MEGF8: variants seen among roughly 807,000 people sequenced by gnomAD.
MEGF8 encodes multiple EGF like domains 8.
In MEGF8, 156 loss-of-function variants were observed where a neutral mutation model predicts 302.9. The ratio of observed to expected loss-of-function variants is 0.52; its 90% CI spans 0.45 to 0.59. The LOEUF is 0.59. Ranked by LOEUF, MEGF8 falls within the 20% of genes least tolerant of loss-of-function variation. The probability of loss-of-function intolerance (pLI) is 0.00; values close to 1 mark genes in which losing one functional copy is unlikely to be tolerated. For missense variants in MEGF8, 3,345 were observed against 3,964.5 expected (o/e 0.84, Z 4.20); for synonymous variants, 1,621 against 1,660.5 (o/e 0.98, Z 0.58).
intron 1 of MEGF8, among the ~76,000 whole-genome samples, chr19:42,330,311 G>GGGGTTCT (rs1255100150): frequency 6.6e-6 from 1 of 152,186 alleles, no homozygotes; most frequent in Non-Finnish European, 1.5e-5. Context: ...TGTCTGGAGT[G>GGGGTTCT]GTATGGGGGT....
chr19:42,343,904 C>T, intron 9 of MEGF8, 50 bp from the exon 10 acceptor site: 1 of 1,590,176 alleles, frequency 6.3e-7, no homozygotes, highest in Non-Finnish European at 8.6e-7. Flanking sequence ...TCTGAGAGGC[C>T]TCCTCCTCCG....
intron 35 of MEGF8, among the ~76,000 whole-genome samples, chr19:42,366,605 G>A (rs1229079367): frequency 1.3e-5 from 2 of 152,152 alleles, no homozygotes; most frequent in Non-Finnish European, 2.9e-5. Context: ...CCTCTCTTCA[G>A]CGAATTTATC....
At position 42,353,556 on chromosome 19, in the gene MEGF8, C is replaced by T. The variant is rs754316452; in HGVS notation, c.3642C>T (p.Asn1214=). The change falls in exon 21 of 42, where the codon AAC becomes AAT. Residue 1214 remains asparagine (N), a synonymous_variant. Coordinates refer to ENST00000251268, the MANE Select transcript of MEGF8 (RefSeq NM_001271938.2). The surrounding 1 kb of genome is among the most constrained non-coding windows in gnomAD (Gnocchi z 6.1). The part of the protein sequence containing the change: ...GSRGCRPCQC[N]GHGDPRRGHC... ...GGGGCTGCCGGCCCTGCCAGTGCAACGGGCACGGGGACCCACGCCGTGGCC... is the reference window on the plus strand; with the variant it reads ...GGGGCTGCCGGCCCTGCCAGTGCAATGGGCACGGGGACCCACGCCGTGGCC... 1.2e-5 allele frequency: 19 copies of T among 1,604,590 alleles called. No individual in the cohort carries two copies. Among genetic ancestry groups the T allele is most frequent in the Middle Eastern group, 1.7e-4 (1 of 6,038 alleles).
Position 42,375,974 on chromosome 19 carries a change from G to T in MEGF8, c.7737G>T (p.Thr2579=). Residue 2579 remains threonine (T), a synonymous_variant, in exon 42 of 42, where the codon ACG becomes ACT. Transcript: ENST00000251268. The surrounding 1 kb of genome is among the most constrained non-coding windows in gnomAD (Gnocchi z 7.1). ...CGCGGGGCCTGATTACCTACGTGAC[G>T]GTGACGGAGCCGTCGGCAGTGCTGG... The part of the protein sequence containing the change: ...VWPRGLITYV[T]VTEPSAVLVV... 1 of 1,606,982 alleles carries T rather than the reference G, an allele frequency of 6.2e-7. No homozygotes were observed. The highest frequency in any genetic ancestry group is 8.5e-7 in the Non-Finnish European group (1 of 1,177,746).
At position 42,368,438 on chromosome 19, in the gene MEGF8, C is replaced by T; in HGVS notation, c.6274-17C>T. 1.3e-6 allele frequency: 2 copies of T among 1,566,332 alleles called. No homozygotes were observed. The highest frequency in any genetic ancestry group is 3.7e-5 in the Admixed American group (2 of 53,504). On this transcript the variant is annotated splice_polypyrimidine_tract_variant and intron_variant, in intron 35 of 41. Coordinates refer to ENST00000251268, the MANE Select transcript of MEGF8 (RefSeq NM_001271938.2). This position sits in a 1 kb window ranked among gnomAD's most constrained non-coding sequence, Gnocchi z 4.9. Reference sequence around the variant, plus strand: ...TCTCTCTCTTCCCTGCATCCCCATCCCCTCCCCCCCATACAGTGTCTGAGC... The same window carrying T: ...TCTCTCTCTTCCCTGCATCCCCATCTCCTCCCCCCCATACAGTGTCTGAGC...
chr19:42,375,418 T>G lies in MEGF8; in HGVS notation c.7270-89T>G, dbSNP rs1269206620. The G allele has an allele frequency of 2.3e-6, 3 of 1,298,512 alleles. No homozygotes were observed. The highest frequency in any genetic ancestry group is 3.0e-5 in the South Asian group (2 of 66,304). 80.4% of individuals were successfully genotyped at this position (1,298,512 alleles called of 1,614,324 possible). ...GCCCAGGGCAATGGCTACTTAGCAG[T>G]GGGTATAGAGTATTCGTCACTGCTG... is the stretch of plus-strand genomic sequence containing the variant. On this transcript the variant is annotated intron_variant, in intron 41 of 41. Coordinates refer to ENST00000251268, the MANE Select transcript of MEGF8 (RefSeq NM_001271938.2). This position sits in a 1 kb window ranked among gnomAD's most constrained non-coding sequence, Gnocchi z 7.1.
Position 42,375,365 on chromosome 19 carries a change from G to A in MEGF8, c.7270-142G>A. On this transcript the variant is annotated intron_variant, in intron 41 of 41. Transcript: ENST00000251268. This position sits in a 1 kb window ranked among gnomAD's most constrained non-coding sequence, Gnocchi z 7.1. ...GGCAGAGAAGGTCCGGGGGGTCACA[G>A]GGAAGTGACTGGGGCAGTGGGGGTG... 1.1e-6 allele frequency: 1 copy of A among 878,030 alleles called. No homozygotes were observed. Among genetic ancestry groups the A allele is most frequent in the South Asian group, 1.8e-5 (1 of 56,062 alleles). 54.4% of individuals were successfully genotyped at this position (878,030 alleles called of 1,614,324 possible).
At chr19:42,338,275 T>C (rs763028492) in intron 8 of MEGF8, among the ~76,000 whole-genome samples, 1 of 151,594 alleles carries the variant, frequency 6.6e-6, no homozygotes, top group Non-Finnish European at 1.5e-5. Flanking sequence ...AGTCTTACTG[T>C]GTTGCCCAGG....
intron 8 of MEGF8, among the ~76,000 whole-genome samples, chr19:42,343,061 A>C (rs2039237230): frequency 6.6e-6 from 1 of 152,176 alleles, no homozygotes. Context: ...CAAAAATGGG[A>C]GACTGAGGCA....
chr19:42,332,570 G>T (rs1222316507), intron 1 of MEGF8, among the ~76,000 whole-genome samples: 1 of 152,198 alleles, frequency 6.6e-6, no homozygotes, highest in Non-Finnish European at 1.5e-5. Flanking sequence ...GTTTCGCCAT[G>T]TTGGCTAGGC....
Position 42,356,020 on chromosome 19 carries a change from G to A in MEGF8, c.4392+15G>A, listed in dbSNP as rs1326675809. On this transcript the variant is annotated intron_variant, in intron 24 of 41. Coordinates refer to ENST00000251268, the MANE Select transcript of MEGF8 (RefSeq NM_001271938.2). The surrounding 1 kb of genome is among the most constrained non-coding windows in gnomAD (Gnocchi z 5.2). ...CTTGTAACCAGGTACAGGTGGGAGA[G>A]GGCAAGTCTGGTGGGACAGGGCTGG... The A allele has an allele frequency of 1.2e-6, 2 of 1,607,422 alleles. No individual in the cohort carries two copies. The highest frequency in any genetic ancestry group is 1.3e-5 in the African/African-American group (1 of 74,822).
chr19:42,367,032 A>C (rs2039615854), intron 35 of MEGF8, among the ~76,000 whole-genome samples: 1 of 152,232 alleles, frequency 6.6e-6, no homozygotes, highest in African/African-American at 2.4e-5. Context: ...GCTTTCAGGC[A>C]GCCGGCCCAA....
At chr19:42,361,112 A>C (rs1166777468) in intron 32 of MEGF8, 106 bp downstream of exon 32, 2 of 1,222,120 alleles carry the variant, frequency 1.6e-6, no homozygotes, top group Non-Finnish European at 1.1e-6. Context: ...CGTCTGGTTC[A>C]GGAAAGGGGT....
chr19:42,359,318 T>G (rs2039499007), intron 31 of MEGF8, 76 bp downstream of exon 31: 1 of 1,362,654 alleles, frequency 7.3e-7, no homozygotes, highest in African/African-American at 1.5e-5. Flanking sequence ...GGACTCCCAC[T>G]CCTTAGGAGT....
In MEGF8 at chr19:42,376,377, G is replaced by T. The variant is rs548176972; in HGVS notation, c.8140G>T (p.Ala2714Ser). ...FPPDPTAPAS[A>S]WKPAGLPPPA... Reference sequence around the variant, plus strand: ...ACCTGACCCTACTGCCCCGGCCTCCGCCTGGAAGCCGGCTGGGCTCCCACC... The same window carrying T: ...ACCTGACCCTACTGCCCCGGCCTCCTCCTGGAAGCCGGCTGGGCTCCCACC... The change falls in exon 42 of 42, where the codon GCC becomes TCC. Residue 2714 changes from alanine (A) to serine (S), a missense_variant. Ala to Ser is a moderately conservative substitution (Grantham distance 99). Coordinates refer to ENST00000251268, the MANE Select transcript of MEGF8 (RefSeq NM_001271938.2). The surrounding 1 kb of genome is among the most constrained non-coding windows in gnomAD (Gnocchi z 8.2). 8.1e-6 allele frequency: 13 copies of T among 1,613,050 alleles called. No individual in the cohort carries two copies. The highest frequency in any genetic ancestry group is 1.7e-5 in the Admixed American group (1 of 59,984).
At chr19:42,366,048 C>CT (rs2039600750) in intron 35 of MEGF8, among the ~76,000 whole-genome samples, 2 of 152,054 alleles carry the variant, frequency 1.3e-5, no homozygotes, top group South Asian at 4.2e-4. Context: ...CACCACTGTA[C>CT]TCCAGCCTGG....
At chr19:42,334,623 C>G (rs1023434836) in intron 3 of MEGF8, among the ~76,000 whole-genome samples, 1 of 152,148 alleles carries the variant, frequency 6.6e-6, no homozygotes, top group African/African-American at 2.4e-5. Context: ...GCTTTGAGCC[C>G]TCCCCGCCTT....
At position 42,350,225 on chromosome 19, in the gene MEGF8, A is replaced by C. The variant is rs2039348507; in HGVS notation, c.2577A>C (p.Ala859=). ...ATTCTTCCTGCCTGGGCTGCTTGGC[A>C]GACCAGGGCTGTGGCTGGTGCCTGA... ...TSYSSCLGCL[A]DQGCGWCLTS... is the part of the protein sequence containing the mutation. The change falls in exon 15 of 42, where the codon GCA becomes GCC. Residue 859 remains alanine, a synonymous_variant. Transcript: ENST00000251268. 3 of 1,613,340 alleles carry C rather than the reference A, an allele frequency of 1.9e-6. No individual in the cohort carries two copies. The African/African-American group carries it at 4.0e-5, about 21-fold the overall frequency.
chr19:42,349,272 C>T (rs2039333782), intron 13 of MEGF8, among the ~76,000 whole-genome samples: 1 of 149,248 alleles, frequency 6.7e-6, no homozygotes, highest in South Asian at 2.1e-4. Flanking sequence ...TGCACTTCAG[C>T]CTGAGTGATG....
Sources: allele counts gnomAD v4.1 joint callset (sites outside exome capture counted in the v4.1 genomes callset), GRCh38; gene constraint gnomAD v4.1.1; non-coding constraint Gnocchi (gnomAD v3.1); transcripts MANE v1.5; gene names NCBI Gene and HGNC (gene_info 2026-07-23, HGNC 2026-07-21).